IPP: variants seen among roughly 807,000 people sequenced by gnomAD.
The protein encoded by IPP is intracisternal A particle-promoted polypeptide, also known as actin-binding protein IPP.
Under a neutral mutation model 64.1 loss-of-function variants are expected in IPP, and 41 were observed. That is an observed-to-expected ratio of 0.64 (90% CI 0.50 to 0.83). The LOEUF (loss-of-function observed/expected upper bound fraction) is 0.83, where lower values mean the gene tolerates loss of function less well. Ranked by LOEUF, IPP falls within the 40% of genes least tolerant of loss-of-function variation. The pLI is 0.00. For missense variants in IPP, 649 were observed against 703.0 expected, an observed-to-expected ratio of 0.92 and a Z score of 0.87; for synonymous variants, 214 against 235.2, an observed-to-expected ratio of 0.91 and a Z score of 0.83.
intron 3 of IPP, among the ~76,000 whole-genome samples, chr1:45,733,468 A>G (rs568742959): frequency 8.8e-4 from 116 of 131,966 alleles, no homozygotes; most frequent in Admixed American, 2.6e-3. Flanking sequence ...TAAGCAAGTC[A>G]TTAAAAAAAA....
chr1:45,716,524 C>T (rs903479882), intron 7 of IPP, among the ~76,000 whole-genome samples: 5 of 152,208 alleles, frequency 3.3e-5, no homozygotes, highest in Non-Finnish European at 7.3e-5. Context: ...GGATTACAGG[C>T]ATGAGCCACC....
At chr1:45,701,291 T>G (rs957283634) in intron 8 of IPP, among the ~76,000 whole-genome samples, 4 of 152,040 alleles carry the variant, frequency 2.6e-5, no homozygotes, top group Admixed American at 6.5e-5. Flanking sequence ...TTACTTTTTT[T>G]TTTGTTTTTT....
At chr1:45,725,509 T>C (rs1218192697) in intron 5 of IPP, among the ~76,000 whole-genome samples, 1 of 136,204 alleles carries the variant, frequency 7.3e-6, no homozygotes, top group Non-Finnish European at 1.6e-5. Context: ...ATCCGGGAGG[T>C]GAGGGGCGCT....
chr1:45,718,216 T>G (rs1177385088), intron 6 of IPP, among the ~76,000 whole-genome samples: 1 of 152,224 alleles, frequency 6.6e-6, no homozygotes, highest in Non-Finnish European at 1.5e-5. Flanking sequence ...TAGGCCACTA[T>G]GCAGGGTGGT....
Position 45,699,951 on chromosome 1 carries a change from G to C in IPP, c.*15C>G. ...ATTTTCAAAATGTTCCTTGTGCTCT[G>C]TTATGCTTTATATTTCATAGCACAG... On this transcript the variant is annotated 3_prime_UTR_variant, in exon 9 of 9. Coordinates refer to ENST00000396478, the MANE Select transcript of IPP (RefSeq NM_005897.3). 6.2e-7 allele frequency: 1 copy of C among 1,613,674 alleles called. No homozygotes were observed. Among genetic ancestry groups the C allele is most frequent in the South Asian group, 1.1e-5 (1 of 91,060 alleles).
chr1:45,737,635 A>AT (rs1346685394), intron 3 of IPP, among the ~76,000 whole-genome samples: 3 of 151,574 alleles, frequency 2.0e-5, no homozygotes, highest in Non-Finnish European at 4.4e-5. Flanking sequence ...CAATTTTTCT[A>AT]TTTTTTGTAG....
Position 45,698,911 on chromosome 1 carries a change from G to A in IPP, c.*1055C>T, listed in dbSNP as rs976210435. On this transcript the variant is annotated 3_prime_UTR_variant, in exon 9 of 9. Coordinates refer to ENST00000396478, the MANE Select transcript of IPP (RefSeq NM_005897.3). The stretch of plus-strand genomic sequence containing the variant: ...TTTTTATATATTTTTTGGTAGAGAC[G>A]GAGTCTCATCACGTTGCCCAGGCTA... 9 of 368,396 alleles carry A rather than the reference G, an allele frequency of 2.4e-5. No individual in the cohort carries two copies. The highest frequency in any genetic ancestry group is 1.1e-4 in the South Asian group (1 of 9,038). 22.8% of individuals were successfully genotyped at this position (368,396 alleles called of 1,614,324 possible).
At chr1:45,737,909 AAG>A (rs1646001758) in intron 3 of IPP, among the ~76,000 whole-genome samples, 1 of 152,192 alleles carries the variant, frequency 6.6e-6, no homozygotes, top group Non-Finnish European at 1.5e-5. Context: ...ACAGTATAAT[AAG>A]ATATTTTAAG....
chr1:45,724,309 A>C (rs1645775913), intron 5 of IPP, among the ~76,000 whole-genome samples: 2 of 151,660 alleles, frequency 1.3e-5, no homozygotes, highest in Admixed American at 6.6e-5. Flanking sequence ...GCTGGAGTGC[A>C]GTGGCGTGAT....
At position 45,700,203 on chromosome 1, in the gene IPP, GAA is replaced by G; in HGVS notation, c.1531-15_1531-14del. 1 of 1,474,970 alleles carries G rather than the reference GAA, an allele frequency of 6.8e-7. No homozygotes were observed. The allele number at this position is 1,474,970 out of a possible 1,614,324, so 91.4% of individuals were successfully genotyped here. A position where few individuals can be genotyped will look rare whatever the true frequency, so the allele number is the denominator to read the frequency against. On this transcript the variant is annotated splice_polypyrimidine_tract_variant and intron_variant, in intron 8 of 8. Coordinates refer to ENST00000396478, the MANE Select transcript of IPP (RefSeq NM_005897.3). ...CAACCCACTTTTCCTGGTTAAGAGA[GAA>G]AAAAAAAATATGTTAGCAGTGTTAT...
In IPP at chr1:45,746,442, G is replaced by A. The variant is rs1646134831; in HGVS notation, c.-31C>T. ...CGGTAGATTAATTAAAAGGACTGTTGCCCATAATCTGTTACTACCCTGAAA... is the reference window on the plus strand; with the variant it reads ...CGGTAGATTAATTAAAAGGACTGTTACCCATAATCTGTTACTACCCTGAAA... On this transcript the variant is annotated 5_prime_UTR_variant, in exon 2 of 9. Transcript: ENST00000396478. The A allele has an allele frequency of 1.9e-6, 3 of 1,559,940 alleles. No homozygotes were observed. The highest frequency in any genetic ancestry group is 2.6e-6 in the Non-Finnish European group (3 of 1,141,950).
At chr1:45,694,396 A>C (rs1446829088), downstream of IPP, 1 of 1,163,246 alleles carries the variant, frequency 8.6e-7, no homozygotes, top group South Asian at 1.3e-5. Flanking sequence ...TAAACATTTC[A>C]ATATTTTAAC....
At chr1:45,725,172 G>GC (rs1464779910) in intron 5 of IPP, among the ~76,000 whole-genome samples, 2 of 106,450 alleles carry the variant, frequency 1.9e-5, no homozygotes, top group African/African-American at 3.2e-5. Context: ...TGGGGGGTCA[G>GC]CCCCCCGCCC....
At chr1:45,695,738 C>T (rs181517798), downstream of IPP, among the ~76,000 whole-genome samples, 238 of 151,850 alleles carry the variant, frequency 1.6e-3, no homozygotes, top group African/African-American at 5.0e-3. Flanking sequence ...GGCGCTATCT[C>T]GGCTCACCGC....
intron 8 of IPP, among the ~76,000 whole-genome samples, chr1:45,701,775 C>T (rs531091256): frequency 6.6e-6 from 1 of 152,246 alleles, no homozygotes; most frequent in South Asian, 2.1e-4. Flanking sequence ...ACTGATTATT[C>T]ATCAATGCTA....
At chr1:45,740,714 C>T (rs1646051030) in intron 3 of IPP, among the ~76,000 whole-genome samples, 187 bp downstream of exon 3, 1 of 152,142 alleles carries the variant, frequency 6.6e-6, no homozygotes, top group Non-Finnish European at 1.5e-5. Flanking sequence ...TAAAATACTA[C>T]TGCCCACCCA....
chr1:45,719,430 G>A (rs986427032), intron 5 of IPP, 90 bp from the exon 6 acceptor site: 51 of 814,454 alleles, frequency 6.3e-5, no homozygotes, highest in Non-Finnish European at 7.5e-5. Context: ...ATTCCCTATC[G>A]TCAAAAATTC....
Position 45,719,185 on chromosome 1 carries a change from A to T in IPP, c.1186+18T>A, listed in dbSNP as rs1645699238. On this transcript the variant is annotated intron_variant, in intron 6 of 8. Transcript: ENST00000396478. ...CATAAACAATATTAGCTATCTTTAA[A>T]CTGAACAACATAATTACCCAAAGCA... 6.2e-7 allele frequency: 1 copy of T among 1,613,290 alleles called. No individual in the cohort carries two copies. The highest frequency in any genetic ancestry group is 1.3e-5 in the African/African-American group (1 of 75,028).
At chr1:45,717,612 T>C (rs931016791) in intron 6 of IPP, among the ~76,000 whole-genome samples, 4 of 151,930 alleles carry the variant, frequency 2.6e-5, no homozygotes, top group African/African-American at 7.3e-5. Flanking sequence ...CCTGGGTTCA[T>C]GCCATTCTCC....
Sources: allele counts gnomAD v4.1 joint callset (sites outside exome capture counted in the v4.1 genomes callset), GRCh38; gene constraint gnomAD v4.1.1; transcripts MANE v1.5; gene names NCBI Gene and HGNC (gene_info 2026-07-23, HGNC 2026-07-21).